Variants in SEC14L5 observed in about 807,000 individuals in gnomAD.
SEC14L5 encodes the protein SEC14 like lipid binding 5, also known as SEC14-like protein 5.
Under a neutral mutation model 84.6 loss-of-function variants are expected in SEC14L5, and 96 were observed. The ratio of observed to expected loss-of-function variants is 1.13; its 90% confidence interval spans 0.96 to 1.34. The LOEUF (loss-of-function observed/expected upper bound fraction) is 1.34, where lower values mean the gene tolerates loss of function less well. Ranked by LOEUF, SEC14L5 falls within the 40% of genes most tolerant of loss-of-function variation. The pLI, the probability that SEC14L5 is intolerant of heterozygous loss-of-function variation, is 0.00. For missense variants in SEC14L5, 1,224 were observed against 942.5 expected (o/e 1.30, Z -3.91); for synonymous variants, 546 against 383.4 (o/e 1.42, Z -4.95).
intron 2 of SEC14L5, among the ~76,000 whole-genome samples, chr16:4,962,176 AAAAAAAGAAAAAG>A: frequency 6.6e-6 from 1 of 151,784 alleles, no homozygotes; most frequent in South Asian, 2.1e-4. Flanking sequence ...AAAAAAAAAA[AAAAAAAGAAAAAG>A]AAAAAAAGAA....
rs1381138705 is a variant in SEC14L5, at chr16:5,008,639, G to A, written c.1791G>A (p.Glu597=). 1.2e-6 allele frequency: 2 copies of A among 1,607,470 alleles called. No individual in the cohort carries two copies. The highest frequency in any genetic ancestry group is 2.2e-5 in the East Asian group (1 of 44,860). The change falls in exon 14 of 16, where the codon GAG becomes GAA. Residue 597 remains glutamate (E), a synonymous_variant. Coordinates refer to ENST00000251170, the MANE Select transcript of SEC14L5 (RefSeq NM_014692.2). ...VEAPLVCREG[E]SIQGSHVTRW... ...CTCCCCTTGTCTGCCGGGAGGGGGA[G>A]AGCATCCAGGTTTGCATTTTCTGGA...
chr16:4,967,954 C>A (rs1389852343), intron 2 of SEC14L5, among the ~76,000 whole-genome samples: 12 of 137,428 alleles, frequency 8.7e-5, no homozygotes, highest in South Asian at 2.7e-4. Flanking sequence ...CCCCTCCCCC[C>A]CTCCCCCTTC....
intron 7 of SEC14L5, 69 bp from the exon 8 acceptor site, chr16:4,996,785 TG>T (rs1955615375): frequency 8.1e-7 from 1 of 1,239,378 alleles, no homozygotes; most frequent in African/African-American, 1.5e-5. Context: ...TTGCCCCGGC[TG>T]GTTCTGTAAT....
intron 7 of SEC14L5, 103 bp from the exon 8 acceptor site, chr16:4,996,752 T>C: frequency 1.1e-6 from 1 of 874,446 alleles, no homozygotes; most frequent in Non-Finnish European, 1.8e-6. Flanking sequence ...CTGTACTTTT[T>C]GTAGAGATGG....
intron 2 of SEC14L5, among the ~76,000 whole-genome samples, chr16:4,981,085 G>GA (rs2142495162): frequency 6.6e-6 from 1 of 151,348 alleles, no homozygotes; most frequent in African/African-American, 2.4e-5. Flanking sequence ...AAGAGTGCAG[G>GA]TTTATTCTCG....
At chr16:4,986,568 G>C (rs1955489555) in intron 2 of SEC14L5, among the ~76,000 whole-genome samples, 1 of 152,178 alleles carries the variant, frequency 6.6e-6, no homozygotes, top group South Asian at 2.1e-4. Context: ...GTCAATTTCT[G>C]TAAAGAAGTC....
intron 15 of SEC14L5, among the ~76,000 whole-genome samples, chr16:5,014,045 G>C (rs537067946): frequency 1.3e-5 from 2 of 152,348 alleles, no homozygotes; most frequent in East Asian, 3.9e-4. Context: ...CCAGTTCCCA[G>C]ACCATGCTTT....
At chr16:4,968,991 G>C (rs549849134) in intron 2 of SEC14L5, among the ~76,000 whole-genome samples, 2 of 152,382 alleles carry the variant, frequency 1.3e-5, no homozygotes, top group East Asian at 3.9e-4. Flanking sequence ...AGCAGTTACA[G>C]TTGGATTCGC....
rs1365622314 is a variant in SEC14L5, at chr16:4,997,060, C to G, written c.970+16C>G. The G allele has an allele frequency of 1.3e-6, 2 of 1,586,472 alleles. No homozygotes were observed. Among genetic ancestry groups the G allele is most frequent in the African/African-American group, 1.4e-5 (1 of 73,902 alleles). ...CAGGACATAGGTGCGTGCCTCCACC[C>G]ACATCATGTATAGGGCATACTTTGG... is the stretch of plus-strand genomic sequence containing the variant. On this transcript the variant is annotated intron_variant, in intron 8 of 15. Coordinates refer to ENST00000251170, the MANE Select transcript of SEC14L5 (RefSeq NM_014692.2).
At position 5,015,768 on chromosome 16, in the gene SEC14L5, TTAAG is replaced by T. The variant is rs1429954638; in HGVS notation, c.*800_*803del. The T allele has an allele frequency of 6.6e-6, 1 of 152,284 alleles. No individual in the cohort carries two copies. Among genetic ancestry groups the T allele is most frequent in the Non-Finnish European group, 1.5e-5 (1 of 68,070 alleles). The allele number at this position is 152,284 out of a possible 1,614,324, so 9.4% of individuals were successfully genotyped here. ...GTATCAAGATGTGCTTGGTGAGCAG[TTAAG>T]TGAGTTACAGGCGCTGCTCTTTGTG... is the stretch of plus-strand genomic sequence containing the variant. On this transcript the variant is annotated 3_prime_UTR_variant, in exon 16 of 16. Coordinates refer to ENST00000251170, the MANE Select transcript of SEC14L5 (RefSeq NM_014692.2).
At chr16:4,963,776 C>G (rs1955159356) in intron 2 of SEC14L5, among the ~76,000 whole-genome samples, 1 of 152,210 alleles carries the variant, frequency 6.6e-6, no homozygotes, top group African/African-American at 2.4e-5. Context: ...GCCTTAGTCT[C>G]CAGAGTACAG....
chr16:4,979,203 G>T (rs1328092802), intron 2 of SEC14L5, among the ~76,000 whole-genome samples: 1 of 152,176 alleles, frequency 6.6e-6, no homozygotes, highest in Non-Finnish European at 1.5e-5. Flanking sequence ...TGAGCTGAGG[G>T]TATGAACCAG....
rs1955873512 is a variant in SEC14L5, at chr16:5,016,185, ACT to A, written c.*1218_*1219del. On this transcript the variant is annotated 3_prime_UTR_variant, in exon 16 of 16. Coordinates refer to ENST00000251170, the MANE Select transcript of SEC14L5 (RefSeq NM_014692.2). Reference sequence around the variant, plus strand: ...CTGTGTTTGCCCTGGGGCAGATATGACTCTGGAACTAGGTTCAATATTGACAT... The same window carrying A: ...CTGTGTTTGCCCTGGGGCAGATATGACTGGAACTAGGTTCAATATTGACAT... The A allele has an allele frequency of 1.3e-5, 2 of 151,962 alleles. No homozygotes were observed. Among genetic ancestry groups the A allele is most frequent in the African/African-American group, 4.8e-5 (2 of 41,350 alleles). 9.4% of individuals were successfully genotyped at this position (151,962 alleles called of 1,614,324 possible).
In SEC14L5 at chr16:5,008,637, G is replaced by T; in HGVS notation, c.1789G>T (p.Glu597Ter). The change falls in exon 14 of 16, where the codon GAG (glutamate) becomes TAG (stop). Residue 597 changes from glutamate (E) to a stop codon, truncating the protein, a stop_gained. Transcript: ENST00000251170. LOFTEE classifies it high-confidence loss of function. ...GGCTCCCCTTGTCTGCCGGGAGGGG[G>T]AGAGCATCCAGGTTTGCATTTTCTG... is the stretch of plus-strand genomic sequence containing the variant. Reference protein sequence around the residue: ...VEAPLVCREGESIQGSHVTRW... With the variant: ...VEAPLVCREG 1.2e-6 allele frequency: 2 copies of T among 1,607,452 alleles called. No homozygotes were observed. Among genetic ancestry groups the T allele is most frequent in the African/African-American group, 2.7e-5 (2 of 74,464 alleles).
At chr16:4,994,164 G>T (rs893000702) in intron 6 of SEC14L5, among the ~76,000 whole-genome samples, 1 of 152,034 alleles carries the variant, frequency 6.6e-6, no homozygotes, top group East Asian at 1.9e-4. Flanking sequence ...GATACAAATT[G>T]TATGTACACC....
chr16:4,959,299 C>A lies in SEC14L5; in HGVS notation c.-25C>A, dbSNP rs374349026. 14 of 1,602,692 alleles carry A rather than the reference C, an allele frequency of 8.7e-6. No homozygotes were observed. In the East Asian group the frequency reaches 2.0e-4, roughly 23 times the overall value. ...CTCTGTGCACACCCCTGCCTGGTGA[C>A]CTCCATTGGTGCTCCAGCGTGAACA... On this transcript the variant is annotated 5_prime_UTR_variant, in exon 2 of 16. Transcript: ENST00000251170.
intron 2 of SEC14L5, among the ~76,000 whole-genome samples, chr16:4,964,210 A>G (rs934390178): frequency 6.6e-6 from 1 of 152,160 alleles, no homozygotes; most frequent in Non-Finnish European, 1.5e-5. Flanking sequence ...CATGTGGCTC[A>G]GGTCGCCTGA....
intron 1 of SEC14L5, among the ~76,000 whole-genome samples, chr16:4,958,706 G>A (rs1371092416): frequency 2.0e-5 from 3 of 152,234 alleles, no homozygotes; most frequent in East Asian, 1.9e-4. Context: ...GGGCAGGTGC[G>A]TGTTTCAGGG....
intron 2 of SEC14L5, among the ~76,000 whole-genome samples, chr16:4,981,473 G>A (rs894724316): frequency 1.3e-5 from 2 of 152,050 alleles, no homozygotes; most frequent in African/African-American, 4.8e-5. Flanking sequence ...AAACAGGAGG[G>A]AGACTGAGCA....
Sources: gnomAD v4.1 joint callset for allele counts (sites outside exome capture counted in the v4.1 genomes callset) on GRCh38, gnomAD v4.1.1 for gene constraint, MANE v1.5 for transcripts, NCBI Gene and HGNC (gene_info 2026-07-23, HGNC 2026-07-21) for gene names.